USP15: variants seen among roughly 807,000 people sequenced by gnomAD.
The protein encoded by USP15 is ubiquitin carboxyl-terminal hydrolase 15.
A neutral mutation model predicts 127.1 loss-of-function variants in USP15; 18 were observed. That is an observed-to-expected ratio of 0.14 (90% CI 0.10 to 0.21). The LOEUF (loss-of-function observed/expected upper bound fraction) is 0.21. USP15 is among the 10% of genes least tolerant of loss of function. The probability of loss-of-function intolerance (pLI) is 1.00; values close to 1 mark genes in which losing one functional copy is unlikely to be tolerated. For missense variants in USP15, 805 were observed against 1,159.9 expected (o/e 0.69, Z 4.44); for synonymous variants, 364 against 393.7 (o/e 0.92, Z 0.89).
At chr12:62,403,380 T>C (rs1001656147) in intron 21 of USP15, among the ~76,000 whole-genome samples, 3 of 152,098 alleles carry the variant, frequency 2.0e-5, no homozygotes, top group East Asian at 1.9e-4. Flanking sequence ...AGTAGTGTTG[T>C]CACAGAAGCA....
intron 2 of USP15, among the ~76,000 whole-genome samples, chr12:62,301,631 C>T (rs991575781): frequency 3.9e-5 from 6 of 152,104 alleles, no homozygotes; most frequent in African/African-American, 1.2e-4. Flanking sequence ...ATTGCAAATT[C>T]GTCTATAGTA....
At chr12:62,389,304 G>A (rs2067250415) in intron 11 of USP15, 127 bp from the exon 12 acceptor site, 3 of 740,566 alleles carry the variant, frequency 4.1e-6, no homozygotes, top group Non-Finnish European at 6.5e-6. Flanking sequence ...CAGGATAGTG[G>A]CAAGATTGGA....
rs149307413 is a variant in USP15 at position 62,264,109 on chromosome 12, G to A, written c.89+3606G>A. On this transcript the variant is annotated intron_variant, in intron 1 of 21. Transcript: ENST00000280377. ...AAGTGATCCTCCCACCTCAGCCTCC[G>A]CAGTAGCTGGGCCTGCAGGCACATG... Among the ~76,000 whole-genome samples, 581 of 152,152 alleles carry A rather than the reference G, an allele frequency of 3.8e-3. 5 individuals carry two copies. The highest frequency in any genetic ancestry group is 0.013 in the African/African-American group (536 of 41,522).
chr12:62,279,949 C>G (rs1056600726), intron 1 of USP15, among the ~76,000 whole-genome samples: 3 of 152,174 alleles, frequency 2.0e-5, no homozygotes, highest in Non-Finnish European at 4.4e-5. Context: ...TTACTTCTCT[C>G]TATGCCAATA....
chr12:62,263,328 G>C (rs371775529), intron 1 of USP15, among the ~76,000 whole-genome samples: 1 of 152,184 alleles, frequency 6.6e-6, no homozygotes, highest in Non-Finnish European at 1.5e-5. Flanking sequence ...ATTCTTGAAA[G>C]TTTAATACAC....
intron 3 of USP15, 195 bp downstream of exon 3, chr12:62,303,115 G>A (rs2064365518): frequency 2.0e-6 from 1 of 507,848 alleles, no homozygotes; most frequent in African/African-American, 1.9e-5. Context: ...TTGTAAGTAT[G>A]TATTATTGAT....
intron 8 of USP15, among the ~76,000 whole-genome samples, chr12:62,371,262 G>C (rs116279081): frequency 3.0e-3 from 453 of 152,216 alleles, no homozygotes; most frequent in African/African-American, 0.01. Flanking sequence ...TGTATATACT[G>C]TTACCGCTTC....
intron 1 of USP15, among the ~76,000 whole-genome samples, chr12:62,283,168 G>A (rs957289634): frequency 6.6e-5 from 10 of 152,136 alleles, no homozygotes; most frequent in Non-Finnish European, 1.0e-4. Flanking sequence ...CAGATAACCC[G>A]TTACAAACTA....
intron 3 of USP15, among the ~76,000 whole-genome samples, chr12:62,304,334 G>T (rs892260799): frequency 6.6e-6 from 1 of 152,186 alleles, no homozygotes; most frequent in African/African-American, 2.4e-5. Context: ...TATTCAACCT[G>T]TAAAATAGTT....
intron 8 of USP15, among the ~76,000 whole-genome samples, chr12:62,371,392 GT>G (rs887899406): frequency 6.6e-6 from 1 of 152,068 alleles, no homozygotes; most frequent in Non-Finnish European, 1.5e-5. Flanking sequence ...TATATCCCCA[GT>G]GTTAGTATAG....
intron 1 of USP15, among the ~76,000 whole-genome samples, chr12:62,264,740 C>A (rs2063154535): frequency 6.6e-6 from 1 of 152,128 alleles, no homozygotes; most frequent in African/African-American, 2.4e-5. Flanking sequence ...AAGAAAATAA[C>A]CTTATACTCA....
At chr12:62,284,669 A>G (rs1375807138) in intron 1 of USP15, among the ~76,000 whole-genome samples, 4 of 152,154 alleles carry the variant, frequency 2.6e-5, no homozygotes, top group Non-Finnish European at 5.9e-5. Flanking sequence ...TCTCTCATTA[A>G]CCTTTATCTT....
chr12:62,374,616 A>C (rs2066766129), intron 8 of USP15: 1 of 966,424 alleles, frequency 1.0e-6, no homozygotes, highest in East Asian at 1.1e-4. Flanking sequence ...TTGACTGAAG[A>C]CTTGAGATTT....
chr12:62,287,740 G>T (rs1252799362), intron 1 of USP15, among the ~76,000 whole-genome samples: 3 of 151,846 alleles, frequency 2.0e-5, no homozygotes, highest in African/African-American at 4.8e-5. Flanking sequence ...TGTTGTTGTT[G>T]TTTTTCCACC....
intron 1 of USP15, among the ~76,000 whole-genome samples, chr12:62,263,245 G>A (rs2063114878): frequency 6.6e-6 from 1 of 152,018 alleles, no homozygotes; most frequent in Non-Finnish European, 1.5e-5. Context: ...ATATTGTCGT[G>A]GCATATGTAT....
chr12:62,379,219 A>C, intron 8 of USP15, among the ~76,000 whole-genome samples: 1 of 140,870 alleles, frequency 7.1e-6, no homozygotes. Context: ...AAAAAAAAGT[A>C]CATTTCCAAG....
Position 62,293,420 on chromosome 12 carries a change from G to A in USP15, c.90-759G>A, listed in dbSNP as rs141668153. 7.0e-3 allele frequency among the ~76,000 whole-genome samples: 1,071 copies of A among 152,136 alleles called. 9 individuals carry two copies. Among genetic ancestry groups the A allele is most frequent in the African/African-American group, 0.023 (973 of 41,506 alleles). On this transcript the variant is annotated intron_variant, in intron 1 of 21. Transcript: ENST00000280377. ...CGCCCAGGCTGGACTGCAGTGGTGC[G>A]ATCCCGGCTCACTGCAACCTCTGCC...
intron 15 of USP15, 55 bp downstream of exon 15, chr12:62,391,034 GA>G: frequency 6.4e-7 from 1 of 1,553,746 alleles, no homozygotes; most frequent in Non-Finnish European, 8.7e-7. Flanking sequence ...TTGCCTCAGA[GA>G]AAAAGTTAAG....
intron 1 of USP15, chr12:62,278,676 A>G (rs558755619): frequency 8.3e-4 from 127 of 152,314 alleles, no homozygotes; most frequent in African/African-American, 2.9e-3. Context: ...TTAATGATGG[A>G]GTTACAGCCT....
Sources: allele counts gnomAD v4.1 joint callset (sites outside exome capture counted in the v4.1 genomes callset), GRCh38; gene constraint gnomAD v4.1.1; transcripts MANE v1.5; gene names NCBI Gene and HGNC (gene_info 2026-07-23, HGNC 2026-07-21).